SND1: variants seen among roughly 807,000 people sequenced by gnomAD.
The protein encoded by SND1 is staphylococcal nuclease and tudor domain containing 1, also known as staphylococcal nuclease domain-containing protein 1.
In SND1, 38 loss-of-function variants were observed where a neutral mutation model predicts 121.7. That is an observed-to-expected ratio of 0.31 (90% CI 0.24 to 0.41). The LOEUF is 0.41. SND1 is among the 10% of genes least tolerant of loss of function. The probability of loss-of-function intolerance (pLI) is 1.00; values close to 1 mark genes in which losing one functional copy is unlikely to be tolerated. For missense variants in SND1, 868 were observed against 1,184.6 expected (o/e 0.73, Z 3.92); for synonymous variants, 401 against 447.4 (o/e 0.90, Z 1.31).
chr7:127,714,139 C>T (rs1796345287), intron 9 of SND1, among the ~76,000 whole-genome samples: 1 of 152,140 alleles, frequency 6.6e-6, no homozygotes, highest in South Asian at 2.1e-4. Flanking sequence ...TCCTTACCAC[C>T]CTACCTGGTT....
Position 127,925,865 on chromosome 7 carries a change from G to A in SND1, c.1528-3323G>A, listed in dbSNP as rs1211337468. Among the ~76,000 whole-genome samples, 3 of 151,208 alleles carry A rather than the reference G, an allele frequency of 2.0e-5. No homozygotes were observed. The East Asian group carries it at 5.8e-4, about 29-fold the overall frequency. On this transcript the variant is annotated intron_variant, in intron 14 of 23. Coordinates refer to ENST00000354725, the MANE Select transcript of SND1 (RefSeq NM_014390.4). ...CTGCCTCCGCGTCCCAAAGTGCTGG[G>A]ATTACAGCCGTGAGCCATCGCGCCC...
chr7:128,054,124 A>G (rs180952600), intron 16 of SND1, among the ~76,000 whole-genome samples: 1 of 152,312 alleles, frequency 6.6e-6, no homozygotes, highest in African/African-American at 2.4e-5. Context: ...AATGACCTGC[A>G]TGGTGGTCAG....
At chr7:127,931,895 GA>G (rs905887250) in intron 15 of SND1, among the ~76,000 whole-genome samples, 27 of 151,044 alleles carry the variant, frequency 1.8e-4, no homozygotes, top group African/African-American at 5.6e-4. Context: ...CTACTGCTCA[GA>G]AAAAAAAAGA....
chr7:127,938,213 G>C (rs970486852), intron 15 of SND1, among the ~76,000 whole-genome samples: 3 of 152,200 alleles, frequency 2.0e-5, no homozygotes, highest in Non-Finnish European at 4.4e-5. Flanking sequence ...CATGTCCGGG[G>C]ATCCTGGAGA....
intron 10 of SND1, among the ~76,000 whole-genome samples, chr7:127,723,410 T>C (rs1796530186): frequency 6.6e-6 from 1 of 152,230 alleles, no homozygotes; most frequent in South Asian, 2.1e-4. Flanking sequence ...TTTTTCTTCC[T>C]GTTCACTCCT....
At chr7:127,794,876 A>G (rs752019814) in intron 10 of SND1, among the ~76,000 whole-genome samples, 1 of 152,366 alleles carries the variant, frequency 6.6e-6, no homozygotes, top group African/African-American at 2.4e-5. Flanking sequence ...CTTCCAATGA[A>G]AAGGAAAGTA....
chr7:127,960,989 G>A (rs1801717727), intron 15 of SND1, among the ~76,000 whole-genome samples: 1 of 152,204 alleles, frequency 6.6e-6, no homozygotes, highest in Admixed American at 6.5e-5. Flanking sequence ...CTGGACTTGG[G>A]AGGTGTAGGC....
chr7:127,814,146 C>T (rs1474932513), intron 11 of SND1, among the ~76,000 whole-genome samples: 3 of 152,106 alleles, frequency 2.0e-5, no homozygotes, highest in Non-Finnish European at 2.9e-5. Flanking sequence ...GATTTGTGGT[C>T]GGCTTGTCTT....
chr7:127,778,327 TG>T lies in SND1; in HGVS notation c.1153-29154del, dbSNP rs558465649. Among the ~76,000 whole-genome samples, 1,199 of 152,258 alleles carry T rather than the reference TG, an allele frequency of 7.9e-3. 9 individuals are homozygous for T. The highest frequency in any genetic ancestry group is 0.013 in the Non-Finnish European group (898 of 68,010). ...CCCTGGCCTCAGCCTCCCAAGTAGCTGGGAGCACTACAGGCGCGTGCCACCA... is the reference window on the plus strand; with the variant it reads ...CCCTGGCCTCAGCCTCCCAAGTAGCTGGAGCACTACAGGCGCGTGCCACCA... On this transcript the variant is annotated intron_variant, in intron 10 of 23. Transcript: ENST00000354725.
chr7:127,803,081 C>T (rs1798164850), intron 10 of SND1, among the ~76,000 whole-genome samples: 1 of 152,224 alleles, frequency 6.6e-6, no homozygotes, highest in Non-Finnish European at 1.5e-5. Context: ...CAAAATAATT[C>T]TTTCAAATGT....
intron 12 of SND1, among the ~76,000 whole-genome samples, chr7:127,863,594 A>G (rs531104559): frequency 6.6e-6 from 1 of 152,314 alleles, no homozygotes; most frequent in East Asian, 1.9e-4. Context: ...ATCGTAAAAC[A>G]ATAGCTAACT....
chr7:127,969,485 G>T (rs959192709), intron 15 of SND1, among the ~76,000 whole-genome samples: 7 of 152,182 alleles, frequency 4.6e-5, no homozygotes, highest in African/African-American at 1.7e-4. Context: ...CAGCACTTTG[G>T]GAGGCCGAGG....
intron 10 of SND1, among the ~76,000 whole-genome samples, chr7:127,785,662 G>A (rs1797799835): frequency 6.6e-6 from 1 of 152,204 alleles, no homozygotes. Flanking sequence ...AACCTCAAAT[G>A]TGTATCTAAA....
At chr7:127,723,346 G>T (rs1796528552) in intron 10 of SND1, among the ~76,000 whole-genome samples, 1 of 152,062 alleles carries the variant, frequency 6.6e-6, no homozygotes, top group Non-Finnish European at 1.5e-5. Flanking sequence ...AGAATTTCTT[G>T]TCTCTTACAA....
intron 15 of SND1, among the ~76,000 whole-genome samples, chr7:127,974,434 G>C (rs1045676731): frequency 3.3e-5 from 5 of 152,166 alleles, no homozygotes; most frequent in African/African-American, 1.2e-4. Context: ...GTTGCTTGCT[G>C]GGGGGTTGGC....
intron 16 of SND1, among the ~76,000 whole-genome samples, chr7:127,996,267 A>G (rs780847902): frequency 3.9e-5 from 6 of 152,196 alleles, no homozygotes; most frequent in Non-Finnish European, 8.8e-5. Context: ...GAAGGGGTGT[A>G]TGTCTGGGAA....
At chr7:128,076,466 C>T (rs1793508078) in intron 17 of SND1, among the ~76,000 whole-genome samples, 1 of 152,236 alleles carries the variant, frequency 6.6e-6, no homozygotes, top group African/African-American at 2.4e-5. Context: ...CGTCAAGGAT[C>T]CTGAGGAACC....
chr7:127,760,415 A>G (rs1022354571), intron 10 of SND1, among the ~76,000 whole-genome samples: 3 of 152,220 alleles, frequency 2.0e-5, no homozygotes, highest in Non-Finnish European at 2.9e-5. Flanking sequence ...ATGAAGTTGA[A>G]TAAGATAACA....
At chr7:128,082,670 G>A (rs1793625621) in intron 18 of SND1, among the ~76,000 whole-genome samples, 1 of 152,174 alleles carries the variant, frequency 6.6e-6, no homozygotes, top group Non-Finnish European at 1.5e-5. Flanking sequence ...CCAGCCTTTA[G>A]GGCTGGGTCA....
Sources: allele counts gnomAD v4.1 joint callset (sites outside exome capture counted in the v4.1 genomes callset), GRCh38; gene constraint gnomAD v4.1.1; transcripts MANE v1.5; gene names NCBI Gene and HGNC (gene_info 2026-07-23, HGNC 2026-07-21).